Variants in ZBTB45 observed in about 807,000 individuals in gnomAD.
ZBTB45 encodes the protein zinc finger and BTB domain containing 45.
A neutral mutation model predicts 28.4 loss-of-function variants in ZBTB45; 22 were observed. That is an observed-to-expected ratio of 0.77 (90% confidence interval 0.55 to 1.10). The LOEUF (loss-of-function observed/expected upper bound fraction) is 1.10, where lower values mean the gene tolerates loss of function less well. Ranked by LOEUF, ZBTB45 falls within the 50% of genes least tolerant of loss-of-function variation. ZBTB45 has a pLI of 0.00. For synonymous variants in ZBTB45, 361 were observed against 332.3 expected (o/e 1.09, Z -0.94); for missense variants, 656 against 750.2 (o/e 0.87, Z 1.47).
chr19:58,522,352 G>C (rs1423326609), upstream of ZBTB45, among the ~76,000 whole-genome samples: 1 of 150,838 alleles, frequency 6.6e-6, no homozygotes, highest in Non-Finnish European at 1.5e-5. Context: ...AGTAGAGACG[G>C]TGTTTCACCA....
chr19:58,534,883 C>A (rs1381980592), intron 1 of ZBTB45, among the ~76,000 whole-genome samples: 3 of 140,092 alleles, frequency 2.1e-5, no homozygotes, highest in African/African-American at 8.0e-5. Context: ...AAGTTGGAGT[C>A]TCGCTCTGTC....
At chr19:58,532,690 G>A (rs996988347) in intron 1 of ZBTB45, among the ~76,000 whole-genome samples, 2 of 151,822 alleles carry the variant, frequency 1.3e-5, no homozygotes, top group Non-Finnish European at 2.9e-5. Context: ...GGGATTACAG[G>A]TGTGTGCCAC....
intron 1 of ZBTB45, among the ~76,000 whole-genome samples, chr19:58,527,391 A>C (rs1454802566): frequency 2.6e-5 from 4 of 151,216 alleles, no homozygotes; most frequent in Non-Finnish European, 5.9e-5. Context: ...CATCTCCATC[A>C]CCTCCATGAG....
Position 58,513,955 on chromosome 19 carries a change from G to A in ZBTB45, c.*99C>T. 2 of 1,304,382 alleles carry A rather than the reference G, an allele frequency of 1.5e-6. No individual in the cohort carries two copies. The highest frequency in any genetic ancestry group is 2.8e-4 in the Middle Eastern group (1 of 3,612). 80.8% of individuals were successfully genotyped at this position (1,304,382 alleles called of 1,614,324 possible). ...AGAGAGGACCTGCGCTCAGGAGGGA[G>A]CGTGGTCTAGTGGCGGGAACCACGG... On this transcript the variant is annotated 3_prime_UTR_variant, in exon 3 of 3. Coordinates refer to ENST00000594051, the MANE Select transcript of ZBTB45 (RefSeq NM_001316979.2).
Position 58,532,788 on chromosome 19 carries a change from C to G in ZBTB45, c.-1+5913G>C, listed in dbSNP as rs937783431. 1.1e-4 allele frequency among the ~76,000 whole-genome samples: 17 copies of G among 152,084 alleles called. 1 individual carries two copies. The highest frequency in any genetic ancestry group is 1.5e-5 in the Non-Finnish European group (1 of 68,026). On this transcript the variant is annotated intron_variant, in intron 1 of 1. Transcript: ENST00000600130. Reference sequence around the variant, plus strand: ...GTCTCAGACTCCTGACTCAGGTGATCCGCCCACCTCGGCCTCCCAAAGTGT... The same window carrying G: ...GTCTCAGACTCCTGACTCAGGTGATGCGCCCACCTCGGCCTCCCAAAGTGT...
intron 1 of ZBTB45, among the ~76,000 whole-genome samples, chr19:58,535,169 C>T (rs549377095): frequency 1.3e-5 from 2 of 151,526 alleles, no homozygotes; most frequent in South Asian, 2.1e-4. Flanking sequence ...CCGTGCCCAG[C>T]CTTAATTTTT....
chr19:58,528,669 C>T lies in ZBTB45; in HGVS notation c.-1+10032G>A, dbSNP rs189179084. Among the ~76,000 whole-genome samples, 593 of 151,980 alleles carry T rather than the reference C, an allele frequency of 3.9e-3. 5 individuals are homozygous for T. The highest frequency in any genetic ancestry group is 0.013 in the African/African-American group (554 of 41,472). On this transcript the variant is annotated intron_variant, in intron 1 of 1. Coordinates refer to the ZBTB45 transcript ENST00000600130. Reference sequence around the variant, plus strand: ...CAGCACTTTGGGAGGCCGAGGTGGGCGGATCACGAGGTCAGGAGATCGAGA... The same window carrying T: ...CAGCACTTTGGGAGGCCGAGGTGGGTGGATCACGAGGTCAGGAGATCGAGA...
chr19:58,531,237 T>C (rs1043777206), intron 1 of ZBTB45, among the ~76,000 whole-genome samples: 2 of 152,256 alleles, frequency 1.3e-5, no homozygotes, highest in African/African-American at 2.4e-5. Context: ...TGATGAACAC[T>C]GATGTGGAGC....
At chr19:58,524,275 G>T (rs571893442), upstream of ZBTB45, among the ~76,000 whole-genome samples, 5 of 151,642 alleles carry the variant, frequency 3.3e-5, no homozygotes, top group Non-Finnish European at 7.4e-5. Context: ...TGAGGCAGGA[G>T]AATACCTTGA....
intron 1 of ZBTB45, among the ~76,000 whole-genome samples, chr19:58,537,664 G>C (rs945456263): frequency 2.0e-5 from 3 of 152,054 alleles, no homozygotes; most frequent in African/African-American, 7.2e-5. Flanking sequence ...CCCTAGGAGA[G>C]CCATTTCCAC....
intron 1 of ZBTB45, among the ~76,000 whole-genome samples, chr19:58,533,029 T>C (rs1359421079): frequency 1.3e-5 from 2 of 150,772 alleles, no homozygotes; most frequent in African/African-American, 4.9e-5. Context: ...AGAGATGGGG[T>C]TTCTCCATGT....
chr19:58,533,574 C>T (rs963203197), intron 1 of ZBTB45, among the ~76,000 whole-genome samples: 1 of 151,780 alleles, frequency 6.6e-6, no homozygotes, highest in Non-Finnish European at 1.5e-5. Context: ...TTTTAAGCTG[C>T]CATGTTTGTG....
intron 1 of ZBTB45, among the ~76,000 whole-genome samples, chr19:58,526,319 C>T (rs945637085): frequency 2.0e-5 from 3 of 151,942 alleles, no homozygotes; most frequent in Non-Finnish European, 4.4e-5. Flanking sequence ...AAGTGATTCT[C>T]CTGCTTCAGC....
At chr19:58,519,174 T>C in intron 1 of ZBTB45, 1 of 152,482 alleles carries the variant, frequency 6.6e-6, no homozygotes, top group Non-Finnish European at 1.5e-5. Context: ...GGCCCTGTTC[T>C]GAGCCTTCTG....
At chr19:58,529,926 G>A (rs931210946) in intron 1 of ZBTB45, among the ~76,000 whole-genome samples, 4 of 152,298 alleles carry the variant, frequency 2.6e-5, no homozygotes, top group Admixed American at 1.3e-4. Flanking sequence ...ATGGCTGGGT[G>A]TGGTGGCTCA....
chr19:58,525,954 G>A (rs143266577), intron 1 of ZBTB45, among the ~76,000 whole-genome samples: 2,708 of 152,252 alleles, frequency 0.018, 88 homozygotes, highest in African/African-American at 0.061. Context: ...AAGGCTGGGC[G>A]CGGTGGCTCA....
chr19:58,523,689 G>C (rs1396905022), upstream of ZBTB45, among the ~76,000 whole-genome samples: 2 of 145,660 alleles, frequency 1.4e-5, no homozygotes, highest in Non-Finnish European at 3.0e-5. Flanking sequence ...TGTTTGTTTT[G>C]AGATGGAGTC....
At chr19:58,521,208 CA>C (rs1048608002), upstream of ZBTB45, among the ~76,000 whole-genome samples, 5 of 135,326 alleles carry the variant, frequency 3.7e-5, no homozygotes, top group South Asian at 2.4e-4. Flanking sequence ...ACTAAAAATA[CA>C]AAAAAAAATT....
At chr19:58,529,512 A>G (rs1388849075) in intron 1 of ZBTB45, among the ~76,000 whole-genome samples, 8 of 152,188 alleles carry the variant, frequency 5.3e-5, no homozygotes, top group Non-Finnish European at 4.4e-5. Context: ...CTAGGTCTAA[A>G]ACAATTTCCT....
Sources: allele counts gnomAD v4.1 joint callset (sites outside exome capture counted in the v4.1 genomes callset), GRCh38; gene constraint gnomAD v4.1.1; transcripts MANE v1.5; gene names NCBI Gene and HGNC (gene_info 2026-07-23, HGNC 2026-07-21).